Variants in DIP2B observed in about 807,000 individuals in gnomAD.
DIP2B encodes disco-interacting protein 2 homolog B.
DIP2B carries 76 observed loss-of-function variants against 198.0 expected under a neutral mutation model. The ratio of observed to expected loss-of-function variants is 0.38; its 90% CI spans 0.32 to 0.46. The LOEUF (loss-of-function observed/expected upper bound fraction) is 0.46, where lower values mean the gene tolerates loss of function less well. Among genes scored for constraint, DIP2B ranks in the 20% least tolerant of loss-of-function variants. The pLI is 0.99. For synonymous variants in DIP2B, 701 were observed against 739.1 expected (o/e 0.95, Z 0.84); for missense variants, 1,559 against 1,978.4 (o/e 0.79, Z 4.02).
intron 10 of DIP2B, 78 bp downstream of exon 10, chr12:50,683,326 A>G: frequency 8.5e-7 from 1 of 1,180,124 alleles, no homozygotes; most frequent in South Asian, 1.5e-5. Context: ...ATGTAGTCAC[A>G]ACAGTAAAAA....
chr12:50,708,469 T>G lies in DIP2B; in HGVS notation c.2556T>G (p.Ser852=). 1 of 1,603,594 alleles carries G rather than the reference T, an allele frequency of 6.2e-7. No homozygotes were observed. The highest frequency in any genetic ancestry group is 8.5e-7 in the Non-Finnish European group (1 of 1,174,294). The change falls in exon 22 of 38, where the codon TCT becomes TCG. Residue 852 remains serine, a synonymous_variant. Transcript: ENST00000301180. ...YRGRIAVFSV[S]VFYDERIVVV... is the part of the protein sequence containing the mutation. ...TTAGAATTGCTGTGTTTTCTGTGTCTGTATTTTATGATGAGCGCATTGTGG... is the reference window on the plus strand; with the variant it reads ...TTAGAATTGCTGTGTTTTCTGTGTCGGTATTTTATGATGAGCGCATTGTGG...
At chr12:50,738,336 A>G (rs997883519) in intron 35 of DIP2B, among the ~76,000 whole-genome samples, 2 of 151,944 alleles carry the variant, frequency 1.3e-5, no homozygotes, top group African/African-American at 4.8e-5. Flanking sequence ...AAATAATAAT[A>G]ATAATAATAG....
Position 50,571,793 on chromosome 12 carries a change from C to T in DIP2B, c.101-54183C>T, listed in dbSNP as rs539434471. Reference sequence around the variant, plus strand: ...GGTCTCGATCTCGATCTCTTGACCTCGTGATCCTCCTGCCTCGGCCTCCCA... The same window carrying T: ...GGTCTCGATCTCGATCTCTTGACCTTGTGATCCTCCTGCCTCGGCCTCCCA... On this transcript the variant is annotated intron_variant, in intron 1 of 37. Coordinates refer to ENST00000301180, the MANE Select transcript of DIP2B (RefSeq NM_173602.3). 5.3e-5 allele frequency among the ~76,000 whole-genome samples: 8 copies of T among 151,578 alleles called. No homozygotes were observed. The South Asian group carries it at 6.3e-4, about 12-fold the overall frequency.
intron 10 of DIP2B, among the ~76,000 whole-genome samples, chr12:50,683,511 G>T (rs1211236998): frequency 1.3e-5 from 2 of 152,224 alleles, no homozygotes; most frequent in Non-Finnish European, 2.9e-5. Context: ...GCCGGGCGCA[G>T]TGGCTCACGC....
At chr12:50,509,869 T>C (rs557276822) in intron 1 of DIP2B, among the ~76,000 whole-genome samples, 1 of 152,338 alleles carries the variant, frequency 6.6e-6, no homozygotes, top group African/African-American at 2.4e-5. Context: ...TAAGCAGTTG[T>C]AACATCTGAT....
chr12:50,516,087 C>A (rs1420949074), intron 1 of DIP2B, among the ~76,000 whole-genome samples: 1 of 152,122 alleles, frequency 6.6e-6, no homozygotes, highest in Non-Finnish European at 1.5e-5. Flanking sequence ...TCAAAGATGG[C>A]ACCTTCTTGT....
chr12:50,530,689 G>A (rs977311281), intron 1 of DIP2B, among the ~76,000 whole-genome samples: 7 of 152,144 alleles, frequency 4.6e-5, no homozygotes, highest in Admixed American at 4.6e-4. Flanking sequence ...ATTTAAGCAG[G>A]GAGAATTTAC....
chr12:50,670,447 G>A (rs754734191), intron 4 of DIP2B, among the ~76,000 whole-genome samples: 2 of 151,876 alleles, frequency 1.3e-5, no homozygotes, highest in South Asian at 4.2e-4. Flanking sequence ...TTGGAGTCTC[G>A]CTCTGTTGCC....
At chr12:50,720,615 A>G (rs1439869800) in intron 25 of DIP2B, among the ~76,000 whole-genome samples, 1 of 152,060 alleles carries the variant, frequency 6.6e-6, no homozygotes, top group East Asian at 1.9e-4. Flanking sequence ...TAGGGTTCTC[A>G]TATTTCATTT....
intron 9 of DIP2B, 25 bp downstream of exon 9, chr12:50,680,788 G>C (rs1939027394): frequency 1.3e-6 from 2 of 1,595,926 alleles, no homozygotes; most frequent in Non-Finnish European, 8.6e-7. Flanking sequence ...TTTGGTTTTA[G>C]GGAGGTGGTG....
intron 1 of DIP2B, among the ~76,000 whole-genome samples, chr12:50,563,621 A>G (rs1277469234): frequency 1.3e-5 from 2 of 149,868 alleles, no homozygotes; most frequent in East Asian, 2.0e-4. Context: ...TAAGCCTCCC[A>G]AGTAGCTGGG....
chr12:50,662,761 C>T (rs1192488433), intron 4 of DIP2B, among the ~76,000 whole-genome samples: 1 of 152,132 alleles, frequency 6.6e-6, no homozygotes, highest in African/African-American at 2.4e-5. Flanking sequence ...AGAAAACTTA[C>T]ATTAATCATT....
At chr12:50,691,789 C>T (rs542475735) in intron 13 of DIP2B, among the ~76,000 whole-genome samples, 8 of 152,032 alleles carry the variant, frequency 5.3e-5, no homozygotes, top group African/African-American at 1.2e-4. Context: ...TCAGACCAGG[C>T]GCTGTGGCTC....
At chr12:50,508,229 T>C (rs1957984981) in intron 1 of DIP2B, among the ~76,000 whole-genome samples, 1 of 152,226 alleles carries the variant, frequency 6.6e-6, no homozygotes, top group African/African-American at 2.4e-5. Flanking sequence ...AATTTCCACA[T>C]AAGGATGAGC....
intron 1 of DIP2B, among the ~76,000 whole-genome samples, chr12:50,608,776 G>T (rs1048605884): frequency 6.6e-6 from 1 of 152,140 alleles, no homozygotes; most frequent in Non-Finnish European, 1.5e-5. Flanking sequence ...TTTCAAAGAA[G>T]TAAACCATAT....
At chr12:50,601,066 A>G (rs187754696) in intron 1 of DIP2B, among the ~76,000 whole-genome samples, 5 of 152,186 alleles carry the variant, frequency 3.3e-5, no homozygotes, top group African/African-American at 7.2e-5. Context: ...AGTGCTTTCT[A>G]CCTTCTATCA....
chr12:50,650,717 G>A (rs927295954), intron 3 of DIP2B, among the ~76,000 whole-genome samples: 6 of 152,170 alleles, frequency 3.9e-5, no homozygotes, highest in Non-Finnish European at 4.4e-5. Context: ...CAACAATGGG[G>A]ATTTGGTTGC....
intron 32 of DIP2B, 125 bp downstream of exon 32, chr12:50,732,661 C>G (rs191531686): frequency 8.2e-7 from 1 of 1,216,800 alleles, no homozygotes; most frequent in Non-Finnish European, 1.1e-6. Flanking sequence ...TTTGGAACTT[C>G]GGGCTTTTAA....
intron 1 of DIP2B, among the ~76,000 whole-genome samples, chr12:50,510,446 C>T (rs1176975152): frequency 1.3e-5 from 2 of 152,146 alleles, no homozygotes; most frequent in Non-Finnish European, 2.9e-5. Context: ...TCTGTCCTAG[C>T]CTGTTTAAGA....
Sources: allele counts gnomAD v4.1 joint callset (sites outside exome capture counted in the v4.1 genomes callset), GRCh38; gene constraint gnomAD v4.1.1; transcripts MANE v1.5; gene names NCBI Gene and HGNC (gene_info 2026-07-23, HGNC 2026-07-21).